Variants in LINGO2 observed in about 807,000 individuals in gnomAD.
The protein encoded by LINGO2 is leucine-rich repeat and immunoglobulin-like domain-containing nogo receptor-interacting protein 2.
LINGO2 carries 14 observed loss-of-function variants against 30.6 expected under a neutral mutation model. That is an observed-to-expected ratio of 0.46 (90% CI 0.30 to 0.72). LINGO2 has a LOEUF of 0.72. Among genes scored for constraint, LINGO2 ranks in the 30% least tolerant of loss-of-function variants. LINGO2 has a pLI of 0.07. For synonymous variants in LINGO2, 317 were observed against 288.5 expected, an observed-to-expected ratio of 1.10 and a Z score of -1.00; for missense variants, 729 against 751.7, an observed-to-expected ratio of 0.97 and a Z score of 0.35.
At chr9:29,071,889 G>A in the LINGO2 span, among the ~76,000 whole-genome samples, 2 of 152,072 alleles carry the variant, frequency 1.3e-5, no homozygotes, top group Admixed American at 1.3e-4. Context: ...ATAAAAGAGA[G>A]ACAAAAGTTA....
intron 5 of LINGO2, among the ~76,000 whole-genome samples, chr9:28,005,797 C>G (rs1822236874): frequency 6.6e-6 from 1 of 151,822 alleles, no homozygotes; most frequent in African/African-American, 2.4e-5. Context: ...TATAGGGCCA[C>G]CAAGACAGAG....
chr9:28,197,271 G>A (rs1313741165), intron 4 of LINGO2, among the ~76,000 whole-genome samples: 1 of 151,700 alleles, frequency 6.6e-6, no homozygotes, highest in Non-Finnish European at 1.5e-5. Context: ...ATATATGCAA[G>A]GATTCCTGGA....
chr9:28,750,907 T>C, the LINGO2 span, among the ~76,000 whole-genome samples: 1 of 151,930 alleles, frequency 6.6e-6, no homozygotes, highest in African/African-American at 2.4e-5. Flanking sequence ...TGACCAAAAA[T>C]TAAAATAATG....
the LINGO2 span, among the ~76,000 whole-genome samples, chr9:28,857,343 C>T: frequency 2.6e-5 from 4 of 152,084 alleles, no homozygotes; most frequent in Non-Finnish European, 5.9e-5. Context: ...GCCTTTATTA[C>T]ATGTTACTTA....
chr9:28,117,416 C>T (rs1173069363), intron 4 of LINGO2, among the ~76,000 whole-genome samples: 1 of 115,276 alleles, frequency 8.7e-6, no homozygotes, highest in Non-Finnish European at 1.8e-5. Context: ...AGGCAGGCCT[C>T]CTTGAGCTGT....
At chr9:28,805,722 T>C in the LINGO2 span, among the ~76,000 whole-genome samples, 72 of 152,208 alleles carry the variant, frequency 4.7e-4, no homozygotes, top group East Asian at 0.012. Context: ...CTGGAAGGAA[T>C]TGTTGTCCCT....
chr9:28,324,851 A>G (rs1342210107), intron 3 of LINGO2, among the ~76,000 whole-genome samples: 1 of 152,186 alleles, frequency 6.6e-6, no homozygotes, highest in Non-Finnish European at 1.5e-5. Context: ...CCTATAGAGT[A>G]GCCATTCTTT....
chr9:28,449,369 A>C lies in LINGO2; in HGVS notation c.-279+26571T>G, dbSNP rs79341316. Among the ~76,000 whole-genome samples the C allele has an allele frequency of 9.5e-3, 1,442 of 152,214 alleles. 23 individuals carry two copies. The highest frequency in any genetic ancestry group is 0.033 in the African/African-American group (1,359 of 41,538). On this transcript the variant is annotated intron_variant, in intron 2 of 5. Transcript: ENST00000379992. Reference sequence around the variant, plus strand: ...AACAGTTTGTTTTCAAGCAAAGCACAGAAGTGCATTTCTTTTTTTTAAAAA... The same window carrying C: ...AACAGTTTGTTTTCAAGCAAAGCACCGAAGTGCATTTCTTTTTTTTAAAAA...
chr9:28,173,566 T>C (rs1587138113), intron 4 of LINGO2, among the ~76,000 whole-genome samples: 1 of 152,278 alleles, frequency 6.6e-6, no homozygotes, highest in Non-Finnish European at 1.5e-5. Context: ...TGCATCTCCA[T>C]GGGAGAAGTG....
chr9:28,954,170 T>G, the LINGO2 span, among the ~76,000 whole-genome samples: 3 of 152,170 alleles, frequency 2.0e-5, no homozygotes, highest in Non-Finnish European at 2.9e-5. Flanking sequence ...ACAAGATCAC[T>G]TTGTTTATTT....
At chr9:28,121,636 G>A (rs1587028931) in intron 4 of LINGO2, among the ~76,000 whole-genome samples, 1 of 152,070 alleles carries the variant, frequency 6.6e-6, no homozygotes, top group East Asian at 1.9e-4. Flanking sequence ...AAGACAATAG[G>A]ACAATACAGT....
At chr9:28,531,437 T>C (rs2135429576) in intron 1 of LINGO2, among the ~76,000 whole-genome samples, 2 of 152,242 alleles carry the variant, frequency 1.3e-5, no homozygotes, top group Middle Eastern at 3.4e-3. Flanking sequence ...AACACCAGTA[T>C]CCCTTTTTTC....
At chr9:28,946,591 T>C in the LINGO2 span, among the ~76,000 whole-genome samples, 1 of 152,168 alleles carries the variant, frequency 6.6e-6, no homozygotes. Context: ...TTCACTAATT[T>C]TGTAGGCTTT....
At chr9:27,997,843 T>TC (rs2119103498) in intron 5 of LINGO2, among the ~76,000 whole-genome samples, 1 of 152,080 alleles carries the variant, frequency 6.6e-6, no homozygotes, top group South Asian at 2.1e-4. Flanking sequence ...AGCAAATTAT[T>TC]CCTTCCCAAG....
the LINGO2 span, among the ~76,000 whole-genome samples, chr9:28,730,992 G>A: frequency 3.3e-5 from 5 of 151,554 alleles, no homozygotes; most frequent in South Asian, 2.1e-4. Context: ...GTACTCCTGA[G>A]AATTTTTTTT....
chr9:29,037,527 C>T, the LINGO2 span, among the ~76,000 whole-genome samples: 1 of 151,902 alleles, frequency 6.6e-6, no homozygotes, highest in African/African-American at 2.4e-5. Context: ...ATCAGCGATG[C>T]CACACTTCAT....
At chr9:28,609,281 G>T (rs762125963) in intron 1 of LINGO2, among the ~76,000 whole-genome samples, 1 of 150,358 alleles carries the variant, frequency 6.7e-6, no homozygotes, top group Non-Finnish European at 1.5e-5. Context: ...ATAAAATATC[G>T]AAACAGTTCA....
chr9:28,504,383 G>A (rs189256939), intron 1 of LINGO2, among the ~76,000 whole-genome samples: 1 of 151,606 alleles, frequency 6.6e-6, no homozygotes, highest in African/African-American at 2.4e-5. Context: ...AACTTGTCAT[G>A]GTATATAAAC....
chr9:28,557,366 C>T (rs1160840128), intron 1 of LINGO2, among the ~76,000 whole-genome samples: 2 of 152,098 alleles, frequency 1.3e-5, no homozygotes, highest in East Asian at 3.8e-4. Flanking sequence ...TAAAAGAAGA[C>T]ATTTATGCAG....
Sources: gnomAD v4.1 joint callset for allele counts (sites outside exome capture counted in the v4.1 genomes callset) on GRCh38, gnomAD v4.1.1 for gene constraint, MANE v1.5 for transcripts, NCBI Gene and HGNC (gene_info 2026-07-23, HGNC 2026-07-21) for gene names.